The following ZNF362 variants were observed in gnomAD, a reference collection of about 807,000 sequenced individuals.
ZNF362 encodes rotund homolog.
In ZNF362, 11 loss-of-function variants were observed where a neutral mutation model predicts 42.9. The ratio of observed to expected loss-of-function variants is 0.26; its 90% CI spans 0.16 to 0.42. The LOEUF (loss-of-function observed/expected upper bound fraction) is 0.42, where lower values mean the gene tolerates loss of function less well. Among genes scored for constraint, ZNF362 ranks in the 20% least tolerant of loss-of-function variants. ZNF362 has a pLI of 1.00. For synonymous variants in ZNF362, 255 were observed against 257.3 expected, an observed-to-expected ratio of 0.99 and a Z score of 0.09; for missense variants, 362 against 576.2, an observed-to-expected ratio of 0.63 and a Z score of 3.81.
chr1:33,243,231 C>T, the ZNF362 span, among the ~76,000 whole-genome samples: 1 of 151,986 alleles, frequency 6.6e-6, no homozygotes, highest in Non-Finnish European at 1.5e-5. Flanking sequence ...TCTTGGCTCA[C>T]TGAAACCCTC....
chr1:33,205,980 T>C, the ZNF362 span, among the ~76,000 whole-genome samples: 27 of 152,064 alleles, frequency 1.8e-4, no homozygotes, highest in Non-Finnish European at 3.4e-4. Flanking sequence ...AGATTCCAAA[T>C]ATAGACCCGT....
upstream of ZNF362, among the ~76,000 whole-genome samples, chr1:33,256,374 C>A (rs1299479005): frequency 7.0e-6 from 1 of 141,898 alleles, no homozygotes; most frequent in East Asian, 2.3e-4. Context: ...CCCGACGCGG[C>A]CCCCCCGGAG....
the ZNF362 span, chr1:33,166,334 C>T: frequency 1.3e-5 from 2 of 151,926 alleles, no homozygotes; most frequent in Non-Finnish European, 2.9e-5. Context: ...ATCACCCCAC[C>T]CCCACCCCCT....
chr1:33,271,600 G>C (rs763073832), intron 2 of ZNF362, among the ~76,000 whole-genome samples: 3 of 152,222 alleles, frequency 2.0e-5, no homozygotes, highest in Non-Finnish European at 4.4e-5. Context: ...ACAGTGGCTG[G>C]GACTGTTGGA....
the ZNF362 span, among the ~76,000 whole-genome samples, chr1:33,201,003 A>C: frequency 6.6e-6 from 1 of 152,208 alleles, no homozygotes; most frequent in Non-Finnish European, 1.5e-5. Flanking sequence ...GAGGCCTCAG[A>C]AGACATCAAC....
chr1:33,150,441 T>C, the ZNF362 span, among the ~76,000 whole-genome samples: 7 of 152,364 alleles, frequency 4.6e-5, no homozygotes, highest in South Asian at 1.4e-3. Flanking sequence ...CTATATCAAG[T>C]TCCTTCCATG....
At chr1:33,183,113 T>C in the ZNF362 span, among the ~76,000 whole-genome samples, 7 of 152,190 alleles carry the variant, frequency 4.6e-5, no homozygotes, top group Non-Finnish European at 7.3e-5. Flanking sequence ...GTTGTCATCG[T>C]GCCTGCAGGA....
intron 1 of ZNF362, among the ~76,000 whole-genome samples, chr1:33,260,419 C>G (rs950597146): frequency 6.6e-6 from 1 of 152,192 alleles, no homozygotes; most frequent in Non-Finnish European, 1.5e-5. Context: ...ACAGCTTTTC[C>G]CTGAGTGTTT....
chr1:33,185,234 T>TC, the ZNF362 span, among the ~76,000 whole-genome samples: 18 of 152,082 alleles, frequency 1.2e-4, no homozygotes, highest in African/African-American at 3.4e-4. Context: ...CTTTTTTTTT[T>TC]CTTTTGAGAT....
At chr1:33,148,736 G>A in the ZNF362 span, among the ~76,000 whole-genome samples, 3 of 152,210 alleles carry the variant, frequency 2.0e-5, no homozygotes, top group East Asian at 3.9e-4. Context: ...TTATAAAAAG[G>A]TTATATTATC....
the ZNF362 span, chr1:33,159,796 T>C: frequency 6.2e-7 from 1 of 1,613,914 alleles, no homozygotes; most frequent in Non-Finnish European, 8.5e-7. This position sits in a 1 kb window ranked among gnomAD's most constrained non-coding sequence, Gnocchi z 4.2. Flanking sequence ...CTGCTGGCTG[T>C]AGCGCTGGAC....
chr1:33,268,245 A>C (rs967822980), intron 1 of ZNF362, among the ~76,000 whole-genome samples: 1 of 152,238 alleles, frequency 6.6e-6, no homozygotes, highest in Non-Finnish European at 1.5e-5. Flanking sequence ...AAACAGTGTT[A>C]ACACAGAGGA....
At chr1:33,218,193 C>G in the ZNF362 span, among the ~76,000 whole-genome samples, 10 of 152,128 alleles carry the variant, frequency 6.6e-5, no homozygotes, top group Non-Finnish European at 1.3e-4. Flanking sequence ...TATAATCCAG[C>G]ACTTTGGAAG....
the ZNF362 span, among the ~76,000 whole-genome samples, chr1:33,226,593 C>T: frequency 6.6e-6 from 1 of 152,176 alleles, no homozygotes; most frequent in African/African-American, 2.4e-5. Flanking sequence ...GGCCGGGCGC[C>T]ATGGCTCACG....
chr1:33,208,039 G>A, the ZNF362 span, among the ~76,000 whole-genome samples: 1 of 152,156 alleles, frequency 6.6e-6, no homozygotes, highest in African/African-American at 2.4e-5. Flanking sequence ...TGTCTTTAAT[G>A]GTATTGCCTA....
At chr1:33,163,776 G>A in the ZNF362 span, 1 of 152,444 alleles carries the variant, frequency 6.6e-6, no homozygotes, top group Non-Finnish European at 1.5e-5. Flanking sequence ...AGGCGCAGCA[G>A]GAAAGCCGAG....
chr1:33,235,617 T>C, the ZNF362 span, among the ~76,000 whole-genome samples: 1 of 151,936 alleles, frequency 6.6e-6, no homozygotes, highest in East Asian at 1.9e-4. Context: ...GATTTTGTAG[T>C]GGAGGAGTGA....
At chr1:33,181,046 G>C in the ZNF362 span, 1 of 1,593,792 alleles carries the variant, frequency 6.3e-7, no homozygotes, top group Non-Finnish European at 8.5e-7. The surrounding 1 kb of genome is among the most constrained non-coding windows in gnomAD (Gnocchi z 6.5). Flanking sequence ...CGAAGGCGTC[G>C]TCGATGCCGG....
the ZNF362 span, among the ~76,000 whole-genome samples, chr1:33,133,183 GGTGA>G: frequency 6.6e-6 from 1 of 152,238 alleles, no homozygotes; most frequent in African/African-American, 2.4e-5. Context: ...CCAAGGGCTT[GGTGA>G]GTAACATTCA....
Sources: gnomAD v4.1 joint callset for allele counts (sites outside exome capture counted in the v4.1 genomes callset) on GRCh38, gnomAD v4.1.1 for gene constraint, Gnocchi (gnomAD v3.1) non-coding constraint, MANE v1.5 for transcripts, NCBI Gene and HGNC (gene_info 2026-07-23, HGNC 2026-07-21) for gene names.